Variants in TMEM145 observed in about 807,000 individuals in gnomAD.
TMEM145 encodes the protein transmembrane protein 145.
A neutral mutation model predicts 68.5 loss-of-function variants in TMEM145; 46 were observed. That is an observed-to-expected ratio of 0.67 (90% CI 0.53 to 0.86). TMEM145 has a LOEUF of 0.86. TMEM145 is among the 40% of genes least tolerant of loss of function. The pLI is 0.00. For synonymous variants in TMEM145, 255 were observed against 280.2 expected, an observed-to-expected ratio of 0.91 and a Z score of 0.90; for missense variants, 570 against 645.8, an observed-to-expected ratio of 0.88 and a Z score of 1.27.
intron 14 of TMEM145, chr19:42,324,186 G>A (rs2038943929): frequency 1.9e-5 from 18 of 931,174 alleles, no homozygotes; most frequent in Middle Eastern, 5.5e-4. Context: ...ACCTGGGGTG[G>A]AAGGGTTCTC....
intron 12 of TMEM145, 75 bp from the exon 13 acceptor site, chr19:42,320,242 G>A (rs1288077906): frequency 6.3e-7 from 1 of 1,592,186 alleles, no homozygotes; most frequent in African/African-American, 1.3e-5. Context: ...TGTGTACATG[G>A]CAGGCGAGGT....
intron 13 of TMEM145, chr19:42,321,397 T>G: frequency 5.8e-6 from 2 of 346,464 alleles, no homozygotes; most frequent in Non-Finnish European, 1.0e-5. Flanking sequence ...TTTTTTTTTT[T>G]TTTTTTTTTT....
Position 42,314,675 on chromosome 19 carries a change from C to A in TMEM145, c.336C>A (p.Thr112=). Residue 112 remains threonine, a synonymous_variant, in exon 4 of 15, where the codon ACC becomes ACA. Coordinates refer to ENST00000301204, the MANE Select transcript of TMEM145 (RefSeq NM_173633.3). The part of the protein sequence containing the change: ...PENNQVINLT[T]QYAWSGCQVV... ...ACAACCAGGTCATCAACCTCACCAC[C>A]CAGTATGCCTGGTCCGGCTGTCAGG... 1 of 1,614,178 alleles carries A rather than the reference C, an allele frequency of 6.2e-7. No homozygotes were observed. The highest frequency in any genetic ancestry group is 8.5e-7 in the Non-Finnish European group (1 of 1,180,024).
rs34735058 is a variant in TMEM145 at position 42,315,042 on chromosome 19, C to T, written c.470C>T (p.Ser157Phe). 2.0e-4 allele frequency: 318 copies of T among 1,614,050 alleles called. No individual in the cohort carries two copies. The highest frequency in any genetic ancestry group is 2.6e-4 in the Non-Finnish European group (307 of 1,180,044). Reference sequence around the variant, plus strand: ...GAGATGGTCCTCACCAATGGCAAGTCCTTCTGGACACGACACTTCTCCGCT... The same window carrying T: ...GAGATGGTCCTCACCAATGGCAAGTTCTTCTGGACACGACACTTCTCCGCT... ...EYEMVLTNGK[S>F]FWTRHFSADE... The change falls in exon 6 of 15, where the codon TCC (serine) becomes TTC (phenylalanine). Residue 157 changes from serine to phenylalanine, a missense_variant. By Grantham distance (155) the Ser-to-Phe change is radical. Transcript: ENST00000301204.
Position 42,323,616 on chromosome 19 carries a change from T to G in TMEM145, c.1228T>G (p.Phe410Val). Residue 410 changes from phenylalanine to valine, a missense_variant, in exon 14 of 15, where the codon TTC becomes GTC. By Grantham distance (50) the Phe-to-Val change is conservative (BLOSUM62 -1). Transcript: ENST00000301204. ...CCGCCCATCAGCGGCCAACAAGAAC[T>G]TCCCGTACCACGTGCGCACGTCGCA... ...MTRPSAANKN[F>V]PYHVRTSQIA... is the part of the protein sequence containing the mutation. The G allele has an allele frequency of 6.2e-7, 1 of 1,614,102 alleles. No homozygotes were observed. Among genetic ancestry groups the G allele is most frequent in the South Asian group, 1.1e-5 (1 of 91,082 alleles).
Position 42,316,768 on chromosome 19 carries a change from C to T in TMEM145, c.806+28C>T, listed in dbSNP as rs201870991. On this transcript the variant is annotated intron_variant, in intron 10 of 14. Coordinates refer to ENST00000301204, the MANE Select transcript of TMEM145 (RefSeq NM_173633.3). ...GCCCGGGCAGGGCGTGCTCGTGGGGCGGCTGGTGGGGGAGCAGGGCAGGGG... is the reference window on the plus strand; with the variant it reads ...GCCCGGGCAGGGCGTGCTCGTGGGGTGGCTGGTGGGGGAGCAGGGCAGGGG... 139 of 846,484 alleles carry T rather than the reference C, an allele frequency of 1.6e-4. No individual in the cohort carries two copies. The East Asian group carries it at 6.0e-3, about 37-fold the overall frequency. 52.4% of individuals were successfully genotyped at this position (846,484 alleles called of 1,614,324 possible).
chr19:42,318,709 C>T (rs992595968), intron 12 of TMEM145, among the ~76,000 whole-genome samples: 3 of 150,534 alleles, frequency 2.0e-5, no homozygotes, highest in African/African-American at 7.4e-5. Context: ...AAAACAGGAT[C>T]TCCTCAAAGG....
chr19:42,320,457 G>A lies in TMEM145; in HGVS notation c.1194+20G>A, dbSNP rs1599986407. 1.9e-6 allele frequency: 3 copies of A among 1,613,412 alleles called. No individual in the cohort carries two copies. The highest frequency in any genetic ancestry group is 2.5e-6 in the Non-Finnish European group (3 of 1,179,898). Reference sequence around the variant, plus strand: ...TTTCTGGTGAGGATGGGCATCTGTGGGGGGTGGAGGGGAGGACCCGAGGGC... The same window carrying A: ...TTTCTGGTGAGGATGGGCATCTGTGAGGGGTGGAGGGGAGGACCCGAGGGC... On this transcript the variant is annotated intron_variant, in intron 13 of 14. Coordinates refer to ENST00000301204, the MANE Select transcript of TMEM145 (RefSeq NM_173633.3).
intron 13 of TMEM145, 69 bp downstream of exon 13, chr19:42,320,506 C>G: frequency 6.2e-7 from 1 of 1,600,100 alleles, no homozygotes. Context: ...GGCTCCTACA[C>G]CTGATCTGCT....
chr19:42,319,079 A>G (rs1200866453), intron 12 of TMEM145, among the ~76,000 whole-genome samples: 3 of 152,134 alleles, frequency 2.0e-5, no homozygotes, highest in Admixed American at 6.6e-5. Flanking sequence ...GTGAGACTCC[A>G]TCTCAAAAAC....
rs771659560 is a variant in TMEM145 at position 42,315,017 on chromosome 19, G to A, written c.445G>A (p.Glu149Lys). ...GGGTGATGGATTGCAGCTGGAGTAT[G>A]AGATGGTCCTCACCAATGGCAAGTC... is the stretch of plus-strand genomic sequence containing the variant. Reference protein sequence around the residue: ...RSGDGLQLEYEMVLTNGKSFW... With the variant: ...RSGDGLQLEYKMVLTNGKSFW... Residue 149 changes from glutamate to lysine, a missense_variant, in exon 6 of 15, where the codon GAG becomes AAG. By Grantham distance (56) the Glu-to-Lys change is moderately conservative. Coordinates refer to ENST00000301204, the MANE Select transcript of TMEM145 (RefSeq NM_173633.3). The A allele has an allele frequency of 2.0e-5, 33 of 1,613,990 alleles. No individual in the cohort carries two copies. Among genetic ancestry groups the A allele is most frequent in the Non-Finnish European group, 2.5e-5 (30 of 1,180,022 alleles).
At chr19:42,324,145 A>G (rs1222774036) in intron 14 of TMEM145, 6 of 665,842 alleles carry the variant, frequency 9.0e-6, no homozygotes, top group Non-Finnish European at 5.6e-6. Context: ...CCCGCCACCC[A>G]GTCCTTCCCT....
intron 11 of TMEM145, 128 bp downstream of exon 11, chr19:42,317,091 A>G (rs2038867018): frequency 1.3e-6 from 1 of 759,770 alleles, no homozygotes; most frequent in African/African-American, 1.7e-5. Flanking sequence ...CCACTCTTCG[A>G]TTTTCTGCTT....
At chr19:42,316,403 C>A in intron 8 of TMEM145, 78 bp from the exon 9 acceptor site, 3 of 1,386,956 alleles carry the variant, frequency 2.2e-6, no homozygotes, top group Non-Finnish European at 3.1e-6. Flanking sequence ...ATTCAGACTG[C>A]CTGGATGGTA....
chr19:42,322,675 A>G (rs894913936), intron 13 of TMEM145, among the ~76,000 whole-genome samples: 7 of 150,238 alleles, frequency 4.7e-5, no homozygotes, highest in Non-Finnish European at 1.0e-4. Context: ...CCTACATTCC[A>G]CCAATATTTA....
At chr19:42,321,163 T>C in intron 13 of TMEM145, 1 of 398,326 alleles carries the variant, frequency 2.5e-6, no homozygotes, top group Non-Finnish European at 4.4e-6. Context: ...AAGAAGCATC[T>C]GGGGTGGCAC....
chr19:42,321,252 G>A (rs1459232370), intron 13 of TMEM145: 2 of 395,746 alleles, frequency 5.1e-6, no homozygotes, highest in Non-Finnish European at 8.9e-6. Context: ...TTGAGACGGA[G>A]TCTCACTCTG....
chr19:42,317,280 G>GA (rs2038868547), intron 11 of TMEM145, among the ~76,000 whole-genome samples: 1 of 152,188 alleles, frequency 6.6e-6, no homozygotes, highest in African/African-American at 2.4e-5. Context: ...GACCTTGGGT[G>GA]ACGACCCCTG....
intron 13 of TMEM145, among the ~76,000 whole-genome samples, chr19:42,323,114 A>C (rs1043767959): frequency 6.6e-6 from 1 of 152,206 alleles, no homozygotes; most frequent in South Asian, 2.1e-4. Flanking sequence ...TTTAGAGTCT[A>C]TTAGTTGCTG....
Sources: allele counts gnomAD v4.1 joint callset (sites outside exome capture counted in the v4.1 genomes callset), GRCh38; gene constraint gnomAD v4.1.1; transcripts MANE v1.5; gene names NCBI Gene and HGNC (gene_info 2026-07-23, HGNC 2026-07-21).